Variants in DAB1 observed in about 807,000 individuals in gnomAD.
The protein encoded by DAB1 is disabled homolog 1.
In DAB1, 15 loss-of-function variants were observed where a neutral mutation model predicts 64.6. That is an observed-to-expected ratio of 0.23 (90% CI 0.16 to 0.36). The LOEUF (loss-of-function observed/expected upper bound fraction) is 0.36. DAB1 is among the 10% of genes least tolerant of loss of function. The pLI, the probability that DAB1 is intolerant of heterozygous loss-of-function variation, is 1.00. For missense variants in DAB1, 596 were observed against 706.7 expected, an observed-to-expected ratio of 0.84 and a Z score of 1.78; for synonymous variants, 235 against 251.9, an observed-to-expected ratio of 0.93 and a Z score of 0.64.
At chr1:57,365,061 CAT>C (rs71703607) in intron 1 of DAB1, among the ~76,000 whole-genome samples, 58,845 of 143,794 alleles carry the variant, frequency 0.41, 12,507 homozygotes, top group African/African-American at 0.48. Context: ...CATACGCTAT[CAT>C]AGACTTTATA....
chr1:58,234,165 C>T (rs1000996829), intron 4 of DAB1, among the ~76,000 whole-genome samples: 8 of 152,212 alleles, frequency 5.3e-5, no homozygotes, highest in Admixed American at 2.0e-4. Flanking sequence ...TGAGACCACA[C>T]GTTCTTTTCC....
chr1:57,867,756 G>A (rs1654370960), intron 1 of DAB1, among the ~76,000 whole-genome samples: 1 of 152,148 alleles, frequency 6.6e-6, no homozygotes, highest in Admixed American at 6.6e-5. Context: ...AAGGACAGAA[G>A]TGATAGTCAA....
At chr1:57,236,137 G>A (rs965371653) in intron 2 of DAB1, among the ~76,000 whole-genome samples, 1 of 152,158 alleles carries the variant, frequency 6.6e-6, no homozygotes, top group Non-Finnish European at 1.5e-5. Context: ...AGGCTTTTAC[G>A]GAGTTCATTA....
chr1:57,892,188 T>C (rs959525537), intron 5 of DAB1, among the ~76,000 whole-genome samples: 1 of 152,162 alleles, frequency 6.6e-6, no homozygotes, highest in African/African-American at 2.4e-5. Flanking sequence ...TTTCGTAGTT[T>C]AGAGAATCGT....
chr1:57,993,830 G>A (rs1035061616), intron 5 of DAB1, among the ~76,000 whole-genome samples: 2 of 152,142 alleles, frequency 1.3e-5, no homozygotes, highest in African/African-American at 4.8e-5. Flanking sequence ...CAGTTGCACT[G>A]GTTCCTACAA....
At chr1:58,055,123 G>A (rs1388900592) in intron 5 of DAB1, among the ~76,000 whole-genome samples, 2 of 152,220 alleles carry the variant, frequency 1.3e-5, no homozygotes, top group Non-Finnish European at 2.9e-5. Flanking sequence ...AGATGGGAGA[G>A]CAATGTTCAT....
chr1:57,366,986 C>T (rs1453098261), intron 1 of DAB1, among the ~76,000 whole-genome samples: 4 of 151,012 alleles, frequency 2.6e-5, no homozygotes, highest in Non-Finnish European at 1.5e-5. Flanking sequence ...GCAGGTGGAC[C>T]ACTTTAGCCC....
chr1:57,689,167 T>C (rs1646735102), intron 6 of DAB1, among the ~76,000 whole-genome samples: 1 of 152,186 alleles, frequency 6.6e-6, no homozygotes, highest in Non-Finnish European at 1.5e-5. Context: ...AGATTTAGAA[T>C]AGGCAGGGAC....
chr1:57,463,636 G>A (rs1257246456), intron 7 of DAB1, among the ~76,000 whole-genome samples: 3 of 152,126 alleles, frequency 2.0e-5, no homozygotes, highest in Non-Finnish European at 4.4e-5. Context: ...ATTAAAGAGC[G>A]ACTCTTCTTT....
At chr1:58,279,448 G>A (rs1435568317) in intron 4 of DAB1, among the ~76,000 whole-genome samples, 1 of 152,136 alleles carries the variant, frequency 6.6e-6, no homozygotes, top group East Asian at 1.9e-4. Context: ...AGATTGTAAG[G>A]TGAGAACCTA....
intron 3 of DAB1, among the ~76,000 whole-genome samples, chr1:58,483,694 C>T (rs1376819234): frequency 6.6e-6 from 1 of 152,170 alleles, no homozygotes; most frequent in East Asian, 1.9e-4. Context: ...AGATCCTCAG[C>T]TAAACGGTGA....
chr1:58,401,770 T>C (rs17117460), intron 3 of DAB1, among the ~76,000 whole-genome samples: 1,831 of 152,344 alleles, frequency 0.012, 45 homozygotes, highest in African/African-American at 0.042. Context: ...TCTGAAACAA[T>C]TACTTTTCCT....
intron 2 of DAB1, among the ~76,000 whole-genome samples, chr1:57,243,400 A>G (rs1246814225): frequency 6.6e-6 from 1 of 152,006 alleles, no homozygotes; most frequent in Non-Finnish European, 1.5e-5. Context: ...TTTTCCCAAT[A>G]CTTTTTGCCC....
At chr1:57,796,875 C>T (rs1227668372) in intron 6 of DAB1, among the ~76,000 whole-genome samples, 6 of 152,158 alleles carry the variant, frequency 3.9e-5, no homozygotes, top group Non-Finnish European at 7.3e-5. Flanking sequence ...TGCGTCATAT[C>T]CTGCATCCGG....
chr1:57,768,945 AC>A (rs1167404411), intron 6 of DAB1, among the ~76,000 whole-genome samples: 2 of 151,922 alleles, frequency 1.3e-5, no homozygotes, highest in African/African-American at 4.8e-5. Context: ...CTTTGGCCAC[AC>A]CCCCAACCAG....
intron 4 of DAB1, among the ~76,000 whole-genome samples, chr1:57,084,731 G>A (rs571624770): frequency 9.1e-4 from 139 of 152,196 alleles, no homozygotes; most frequent in Admixed American, 2.2e-3. Context: ...AAACCTTTTT[G>A]TTTTTCTGTT....
chr1:57,305,968 C>CAA lies in DAB1; in HGVS notation c.-136-14804_-136-14803dup, dbSNP rs1048177276. 5.8e-3 allele frequency among the ~76,000 whole-genome samples: 358 copies of CAA among 62,228 alleles called. 2 individuals are homozygous for CAA. Among genetic ancestry groups the CAA allele is most frequent in the African/African-American group, 0.022 (328 of 15,000 alleles). The allele number at this position is 62,228 out of a possible 152,430, so 40.8% of individuals were successfully genotyped here. Reference sequence around the variant, plus strand: ...TGGGCGACAGAGCAAGACTCCGTCTCAAAAAAAAAAAAAAAAAGAAAAAAG... The same window carrying CAA: ...TGGGCGACAGAGCAAGACTCCGTCTCAAAAAAAAAAAAAAAAAAAGAAAAAAG... On this transcript the variant is annotated intron_variant, in intron 1 of 14. Transcript: ENST00000371236.
chr1:58,307,506 T>C (rs769564596), intron 4 of DAB1, among the ~76,000 whole-genome samples: 11 of 152,124 alleles, frequency 7.2e-5, no homozygotes, highest in Non-Finnish European at 1.3e-4. Context: ...CAGAATTTCT[T>C]GGAGGAGATT....
At chr1:57,499,472 G>A (rs1344402424) in intron 7 of DAB1, among the ~76,000 whole-genome samples, 2 of 152,132 alleles carry the variant, frequency 1.3e-5, no homozygotes, top group African/African-American at 4.8e-5. Context: ...CTGAACAGAG[G>A]AACTGGGTGG....
Sources: allele counts gnomAD v4.1 joint callset (sites outside exome capture counted in the v4.1 genomes callset), GRCh38; gene constraint gnomAD v4.1.1; transcripts MANE v1.5; gene names NCBI Gene and HGNC (gene_info 2026-07-23, HGNC 2026-07-21).